The following COL5A2 variants were observed in gnomAD, a reference collection of about 807,000 sequenced individuals.
COL5A2 encodes collagen type V alpha 2 chain.
Under a neutral mutation model 208.2 loss-of-function variants are expected in COL5A2, and 23 were observed. The observed-to-expected ratio is 0.11, with a 90% CI of 0.08 to 0.16. COL5A2 has a LOEUF of 0.16. Among genes scored for constraint, COL5A2 ranks in the 10% least tolerant of loss-of-function variants. The pLI, the probability that COL5A2 is intolerant of heterozygous loss-of-function variation, is 1.00. For synonymous variants in COL5A2, 625 were observed against 628.5 expected (o/e 0.99, Z 0.08); for missense variants, 1,590 against 1,956.4 (o/e 0.81, Z 3.53).
chr2:189,251,657 T>TG, the COL5A2 span, among the ~76,000 whole-genome samples: 2 of 144,670 alleles, frequency 1.4e-5, no homozygotes, highest in Admixed American at 6.9e-5. Flanking sequence ...CAAAAGACAG[T>TG]AAAAAAAAAA....
chr2:189,227,397 C>T (rs1273087617), upstream of COL5A2, among the ~76,000 whole-genome samples: 11 of 151,988 alleles, frequency 7.2e-5, no homozygotes, highest in African/African-American at 1.2e-4. Context: ...TAAATGTAAA[C>T]GGATGAAATT....
chr2:189,117,166 AC>A (rs948011960), intron 1 of COL5A2, among the ~76,000 whole-genome samples: 1 of 152,168 alleles, frequency 6.6e-6, no homozygotes, highest in African/African-American at 2.4e-5. Context: ...TGTGGCCAAA[AC>A]GTGAAACTAA....
At chr2:189,157,427 A>T (rs909199506) in intron 1 of COL5A2, among the ~76,000 whole-genome samples, 1 of 151,956 alleles carries the variant, frequency 6.6e-6, no homozygotes, top group Admixed American at 6.6e-5. Flanking sequence ...TGCTAAGGAC[A>T]TTTAAATAAA....
intron 1 of COL5A2, among the ~76,000 whole-genome samples, chr2:189,161,578 T>C (rs1020054545): frequency 1.3e-5 from 2 of 152,176 alleles, no homozygotes; most frequent in Admixed American, 6.5e-5. Flanking sequence ...TTAGGCAAGG[T>C]TGTGCAATGT....
At chr2:189,069,269 A>G (rs777586268) in intron 18 of COL5A2, among the ~76,000 whole-genome samples, 21 of 152,228 alleles carry the variant, frequency 1.4e-4, no homozygotes, top group Non-Finnish European at 1.0e-4. Flanking sequence ...AAGAAAAACT[A>G]GAAACAGCCC....
At chr2:189,287,196 G>C in the COL5A2 span, among the ~76,000 whole-genome samples, 1 of 151,878 alleles carries the variant, frequency 6.6e-6, no homozygotes. Flanking sequence ...GTACCAAATT[G>C]AGAGTTATTT....
At chr2:189,404,127 T>C in the COL5A2 span, among the ~76,000 whole-genome samples, 776 of 152,316 alleles carry the variant, frequency 5.1e-3, 7 homozygotes, top group South Asian at 8.7e-3. Context: ...ATGAGTGATA[T>C]GATTAATTTT....
chr2:189,385,959 A>G, the COL5A2 span, among the ~76,000 whole-genome samples: 1 of 152,218 alleles, frequency 6.6e-6, no homozygotes, highest in Non-Finnish European at 1.5e-5. Context: ...GGGAGGCCTC[A>G]CAATCATGGC....
chr2:189,205,687 C>T (rs1689133301), intron 1 of COL5A2, among the ~76,000 whole-genome samples: 2 of 152,006 alleles, frequency 1.3e-5, no homozygotes, highest in South Asian at 4.1e-4. Flanking sequence ...ACACCTGGCC[C>T]ATAGTAAATG....
chr2:189,041,842 C>T, intron 49 of COL5A2, 149 bp from the exon 50 acceptor site: 1 of 621,548 alleles, frequency 1.6e-6, no homozygotes, highest in East Asian at 2.8e-5. Flanking sequence ...ACTTCTGGTA[C>T]TTTGTAACAT....
chr2:189,045,365 C>A, intron 46 of COL5A2, 133 bp from the exon 47 acceptor site: 1 of 591,038 alleles, frequency 1.7e-6, no homozygotes, highest in South Asian at 2.3e-5. Flanking sequence ...TGTGTGTGTG[C>A]ATACTCTTAT....
At chr2:189,138,008 T>A (rs769536585) in intron 1 of COL5A2, among the ~76,000 whole-genome samples, 1 of 152,156 alleles carries the variant, frequency 6.6e-6, no homozygotes, top group Non-Finnish European at 1.5e-5. Flanking sequence ...GGAGTCTTGC[T>A]CAGTCACCCA....
intron 1 of COL5A2, among the ~76,000 whole-genome samples, chr2:189,157,561 GT>G (rs1688278915): frequency 6.6e-6 from 1 of 151,964 alleles, no homozygotes; most frequent in Non-Finnish European, 1.5e-5. Flanking sequence ...ACTGGACAGA[GT>G]AGACTACATG....
intron 1 of COL5A2, among the ~76,000 whole-genome samples, chr2:189,199,373 T>C (rs937133266): frequency 2.0e-5 from 3 of 152,204 alleles, no homozygotes; most frequent in Admixed American, 2.0e-4. Context: ...CACAAAGGTA[T>C]AATACCTTTT....
the COL5A2 span, among the ~76,000 whole-genome samples, chr2:189,266,772 A>T: frequency 3.9e-5 from 6 of 152,160 alleles, no homozygotes; most frequent in Non-Finnish European, 8.8e-5. Flanking sequence ...TTTATGGTAT[A>T]TGAGTTATAC....
At chr2:189,043,011 T>C (rs936468909) in intron 48 of COL5A2, 140 bp downstream of exon 48, 1 of 801,410 alleles carries the variant, frequency 1.2e-6, no homozygotes, top group African/African-American at 1.7e-5. Flanking sequence ...AATTATCACT[T>C]GTTATTCATC....
In COL5A2 at chr2:189,059,585, G is replaced by GTTTTTTT. The variant is rs71020980; in HGVS notation, c.2086-699_2086-693dup. Among the ~76,000 whole-genome samples, 261 of 28,626 alleles carry GTTTTTTT rather than the reference G, an allele frequency of 9.1e-3. 58 individuals carry two copies. The highest frequency in any genetic ancestry group is 0.01 in the African/African-American group (103 of 10,230). The allele number at this position is 28,626 out of a possible 152,430, so 18.8% of individuals were successfully genotyped here. A position where few individuals can be genotyped will look rare whatever the true frequency, so the allele number is the denominator to read the frequency against. ...AAAAACCCTTCTTTTTTCTTTTCTG[G>GTTTTTTT]TTTTTTTTTTTTTTTTTTTTTTTTT... is the stretch of plus-strand genomic sequence containing the variant. On this transcript the variant is annotated intron_variant, in intron 31 of 53. Transcript: ENST00000374866.
chr2:189,253,362 T>C, the COL5A2 span, among the ~76,000 whole-genome samples: 1 of 152,212 alleles, frequency 6.6e-6, no homozygotes, highest in Non-Finnish European at 1.5e-5. Context: ...TTCCTCATTT[T>C]TAATGTAGAG....
At chr2:189,204,617 C>A (rs1689121107) in intron 1 of COL5A2, among the ~76,000 whole-genome samples, 1 of 152,178 alleles carries the variant, frequency 6.6e-6, no homozygotes, top group African/African-American at 2.4e-5. Context: ...GGGTATCTCT[C>A]TCCTTTAATT....
Sources: gnomAD v4.1 joint callset for allele counts (sites outside exome capture counted in the v4.1 genomes callset) on GRCh38, gnomAD v4.1.1 for gene constraint, MANE v1.5 for transcripts, NCBI Gene and HGNC (gene_info 2026-07-23, HGNC 2026-07-21) for gene names.